BRF1: variants seen among roughly 807,000 people sequenced by gnomAD.
BRF1 encodes BRF1 general transcription factor IIIB subunit, also known as transcription factor IIIB 90 kDa subunit.
A neutral mutation model predicts 81.7 loss-of-function variants in BRF1; 59 were observed. The ratio of observed to expected loss-of-function variants is 0.72; its 90% CI spans 0.59 to 0.90. BRF1 has a LOEUF of 0.90. BRF1 is among the 40% of genes least tolerant of loss of function. The pLI is 0.00. For missense variants in BRF1, 1,050 were observed against 936.3 expected, an observed-to-expected ratio of 1.12 and a Z score of -1.58; for synonymous variants, 491 against 395.6, an observed-to-expected ratio of 1.24 and a Z score of -2.86.
At chr14:105,306,654 G>A (rs1010122074) in intron 1 of BRF1, among the ~76,000 whole-genome samples, 2 of 151,742 alleles carry the variant, frequency 1.3e-5, no homozygotes, top group African/African-American at 4.8e-5. Flanking sequence ...CGCCCAGGCT[G>A]TAGTGCAATG....
chr14:105,273,727 A>C (rs913152100), intron 2 of BRF1, among the ~76,000 whole-genome samples: 1 of 152,198 alleles, frequency 6.6e-6, no homozygotes, highest in Non-Finnish European at 1.5e-5. Flanking sequence ...GGTAAAAGTC[A>C]TCGCCATTCT....
At chr14:105,275,565 G>A (rs1055149966) in intron 2 of BRF1, among the ~76,000 whole-genome samples, 20 of 152,226 alleles carry the variant, frequency 1.3e-4, no homozygotes, top group African/African-American at 4.1e-4. Context: ...CTGAAGCTAC[G>A]GCTCCTTACC....
chr14:105,291,208 G>A (rs2057494989), intron 1 of BRF1, among the ~76,000 whole-genome samples: 1 of 152,146 alleles, frequency 6.6e-6, no homozygotes, highest in Admixed American at 6.5e-5. Context: ...GCCAGAGGCC[G>A]CAGGGGCACC....
In BRF1 at chr14:105,272,840, A is replaced by G; in HGVS notation, c.320T>C (p.Leu107Pro). ...GNQLQLNQHC[L>P]DTAFNFFKMA... ...CTTGAAGAAGTTGAAGGCGGTGTCCAGGCAGTGCTGGTTCAGCTGCAGCTG... is the reference window on the plus strand; with the variant it reads ...CTTGAAGAAGTTGAAGGCGGTGTCCGGGCAGTGCTGGTTCAGCTGCAGCTG... Residue 107 changes from leucine (L) to proline (P), a missense_variant, in exon 3 of 18, where the codon CTG (leucine) becomes CCG (proline). By Grantham distance (98) the Leu-to-Pro change is moderately conservative. This residue lies in a region of BRF1 where 1,043 missense variants were observed against 915.4 expected (regional missense o/e 1.14). Transcript: ENST00000547530. 1.2e-6 allele frequency: 2 copies of G among 1,614,058 alleles called. No homozygotes were observed. Among genetic ancestry groups the G allele is most frequent in the Non-Finnish European group, 1.7e-6 (2 of 1,179,966 alleles).
chr14:105,254,996 T>A (rs1350102820), intron 4 of BRF1, among the ~76,000 whole-genome samples: 21 of 152,156 alleles, frequency 1.4e-4, no homozygotes, highest in Admixed American at 1.4e-3. Context: ...GCCCCCCCCA[T>A]CTCTCTTCCT....
At chr14:105,221,207 G>A (rs969152933) in intron 11 of BRF1, among the ~76,000 whole-genome samples, 1 of 152,224 alleles carries the variant, frequency 6.6e-6, no homozygotes, top group African/African-American at 2.4e-5. Context: ...CAAGGTGAGG[G>A]GGGGCAAGAT....
rs2055454825 is a variant in BRF1 at position 105,249,581 on chromosome 14, C to T, written c.544+2926G>A. On this transcript the variant is annotated intron_variant, in intron 5 of 17. Transcript: ENST00000547530. ...GGAGCTGATGGACTCCTCTCCCAGG[C>T]CCAGCCCCGCGATGGGTGCTTGGGA... 5 of 1,585,404 alleles carry T rather than the reference C, an allele frequency of 3.2e-6. No individual in the cohort carries two copies. In the South Asian group the frequency reaches 3.5e-5, roughly 11 times the overall value.
chr14:105,219,207 C>G lies in BRF1; in HGVS notation c.1403G>C (p.Arg468Pro). 6.2e-7 allele frequency: 1 copy of G among 1,612,560 alleles called. No individual in the cohort carries two copies. ...DRYILNESEARVKAELWMREN... is the reference protein window; with the variant it reads ...DRYILNESEAPVKAELWMREN... Reference sequence around the variant, plus strand: ...CCTCATCCACAGCTCGGCCTTCACGCGGGCTTCCGACTCATTCAGGATGTA... The same window carrying G: ...CCTCATCCACAGCTCGGCCTTCACGGGGGCTTCCGACTCATTCAGGATGTA... The change falls in exon 13 of 18, where the codon CGC becomes CCC. Residue 468 changes from arginine (R) to proline (P), a missense_variant. By Grantham distance (103) the Arg-to-Pro change is moderately radical. Coordinates refer to ENST00000547530, the MANE Select transcript of BRF1 (RefSeq NM_001519.4).
intron 14 of BRF1, among the ~76,000 whole-genome samples, 172 bp from the exon 15 acceptor site, chr14:105,217,972 C>T (rs147580133): frequency 6.6e-5 from 10 of 152,314 alleles, no homozygotes; most frequent in South Asian, 2.1e-4. Flanking sequence ...GCTCTCTGGG[C>T]CTGCCCACGT....
chr14:105,249,129 C>T (rs771527387), intron 5 of BRF1: 3 of 1,543,554 alleles, frequency 1.9e-6, no homozygotes, highest in Middle Eastern at 1.9e-4. Context: ...CGCGCCCACG[C>T]CCCCAGCCCG....
At chr14:105,242,307 G>A (rs2054732471) in intron 5 of BRF1, 1 of 152,036 alleles carries the variant, frequency 6.6e-6, no homozygotes, top group African/African-American at 2.4e-5. Flanking sequence ...AAAAACCAAT[G>A]ATTTGTGGTG....
At chr14:105,246,571 G>C (rs1309510358) in intron 5 of BRF1, among the ~76,000 whole-genome samples, 2 of 152,130 alleles carry the variant, frequency 1.3e-5, no homozygotes, top group Admixed American at 1.3e-4. Flanking sequence ...CCTGGTTCGA[G>C]CCATTCTCCT....
At chr14:105,272,281 C>T (rs1348818620) in intron 3 of BRF1, among the ~76,000 whole-genome samples, 1 of 152,150 alleles carries the variant, frequency 6.6e-6, no homozygotes, top group Non-Finnish European at 1.5e-5. Flanking sequence ...CCTCCCCACC[C>T]ATCGCCCACA....
chr14:105,250,453 C>T (rs2055537153), intron 5 of BRF1: 1 of 1,614,044 alleles, frequency 6.2e-7, no homozygotes, highest in South Asian at 1.1e-5. Flanking sequence ...CCAGTAACAC[C>T]TTCCCGGTCT....
intron 5 of BRF1, chr14:105,248,562 T>C (rs1295703179): frequency 2.7e-5 from 8 of 301,552 alleles, no homozygotes; most frequent in African/African-American, 4.7e-5. Flanking sequence ...CCGCGGCGGG[T>C]ACGGGCTCGG....
chr14:105,305,597 T>G (rs1010116845), upstream of BRF1, among the ~76,000 whole-genome samples: 9 of 152,140 alleles, frequency 5.9e-5, no homozygotes. Context: ...TGGTTTGCCA[T>G]TGCAGTGTGA....
intron 1 of BRF1, among the ~76,000 whole-genome samples, chr14:105,298,525 A>C (rs1367651919): frequency 6.6e-6 from 1 of 152,250 alleles, no homozygotes; most frequent in Non-Finnish European, 1.5e-5. Flanking sequence ...AATGAGCCTC[A>C]GCCTACAAAG....
rs1891828650 is a variant in BRF1 at position 105,219,131 on chromosome 14, T to C, written c.1459+20A>G. ...GGGGACTGTGCGTCCTGCGTGTGAG[T>C]GTGGGCGGGTGGCGCTTACCCCTCT... On this transcript the variant is annotated intron_variant, in intron 13 of 17. Coordinates refer to ENST00000547530, the MANE Select transcript of BRF1 (RefSeq NM_001519.4). 2 of 1,612,558 alleles carry C rather than the reference T, an allele frequency of 1.2e-6. No individual in the cohort carries two copies. The highest frequency in any genetic ancestry group is 1.3e-5 in the African/African-American group (1 of 74,898).
chr14:105,256,385 T>C, intron 4 of BRF1, 133 bp downstream of exon 4: 1 of 1,599,716 alleles, frequency 6.3e-7, no homozygotes. Flanking sequence ...CAAAACTTCC[T>C]GACTGGGCAG....
Sources: allele counts gnomAD v4.1 joint callset (sites outside exome capture counted in the v4.1 genomes callset), GRCh38; gene constraint gnomAD v4.1.1; regional missense constraint gnomAD v4.1.1; transcripts MANE v1.5; gene names NCBI Gene and HGNC (gene_info 2026-07-23, HGNC 2026-07-21).